ZNF541: variants seen among roughly 807,000 people sequenced by gnomAD.
The protein encoded by ZNF541 is zinc finger protein 541.
ZNF541 carries 23 observed loss-of-function variants against 123.5 expected under a neutral mutation model. That is an observed-to-expected ratio of 0.19 (90% CI 0.13 to 0.26). The LOEUF (loss-of-function observed/expected upper bound fraction) is 0.26. ZNF541 is among the 10% of genes least tolerant of loss of function. ZNF541 has a pLI of 1.00. For missense variants in ZNF541, 1,612 were observed against 1,789.9 expected (o/e 0.90, Z 1.79); for synonymous variants, 751 against 754.5 (o/e 1.00, Z 0.08).
intron 14 of ZNF541, among the ~76,000 whole-genome samples, chr19:47,523,338 TTA>T (rs1491168646): frequency 2.5e-5 from 3 of 118,150 alleles, no homozygotes; most frequent in African/African-American, 1.0e-4. Context: ...AGCGTCTCTT[TTA>T]AAAAAAAAAA....
intron 2 of ZNF541, among the ~76,000 whole-genome samples, chr19:47,558,324 G>A (rs1200812153): frequency 6.6e-6 from 1 of 151,890 alleles, no homozygotes; most frequent in Non-Finnish European, 1.5e-5. Context: ...GCTGAGGCAG[G>A]AGAATGGTAT....
intron 12 of ZNF541, 98 bp downstream of exon 12, chr19:47,531,544 C>T: frequency 1.1e-6 from 1 of 940,300 alleles, no homozygotes. Flanking sequence ...CTTCTTCCAG[C>T]TTCCATCCGC....
chr19:47,570,079 C>G lies in ZNF541; in HGVS notation c.-99+1817G>C, dbSNP rs544399068. 4.0e-5 allele frequency among the ~76,000 whole-genome samples: 6 copies of G among 150,026 alleles called. 1 individual carries two copies. The East Asian group carries it at 1.2e-3, about 30-fold the overall frequency. ...CACAAGGTCAGGAGATCGAGACCAT[C>G]CTGGCTAACACGGTGAAATCCTGTC... On this transcript the variant is annotated intron_variant, in intron 2 of 16. Coordinates refer to ENST00000391901, the MANE Select transcript of ZNF541 (RefSeq NM_001277075.3).
At chr19:47,540,141 C>T (rs1970015149) in intron 7 of ZNF541, 35 bp downstream of exon 7, 1 of 1,535,604 alleles carries the variant, frequency 6.5e-7, no homozygotes, top group Non-Finnish European at 8.8e-7. Flanking sequence ...GCCAGAAACC[C>T]AGTAACCACC....
chr19:47,554,445 C>T (rs1375280092), intron 3 of ZNF541, among the ~76,000 whole-genome samples: 2 of 152,006 alleles, frequency 1.3e-5, no homozygotes, highest in Non-Finnish European at 2.9e-5. Flanking sequence ...AAAAAGAAAA[C>T]AAAACAAACA....
In ZNF541 at chr19:47,550,261, AAAAG is replaced by A. The variant is rs528302382; in HGVS notation, c.308-780_308-777del. 3.4e-4 allele frequency among the ~76,000 whole-genome samples: 52 copies of A among 151,816 alleles called. No homozygotes were observed. In the South Asian group the frequency reaches 5.6e-3, roughly 16 times the overall value. ...AGTGGGACTCTGTCAAAGAAAAAGA[AAAAG>A]AAAGAAAGAAAGACAGGAAGGAAGG... On this transcript the variant is annotated intron_variant, in intron 3 of 16. Coordinates refer to ENST00000391901, the MANE Select transcript of ZNF541 (RefSeq NM_001277075.3).
chr19:47,544,033 A>C, intron 5 of ZNF541, 93 bp downstream of exon 5: 1 of 1,372,500 alleles, frequency 7.3e-7, no homozygotes. Flanking sequence ...GCATCTGGGG[A>C]CTCTCTGAAA....
chr19:47,531,235 G>C (rs1341625557), intron 12 of ZNF541, among the ~76,000 whole-genome samples: 1 of 6,520 alleles, frequency 1.5e-4, no homozygotes, highest in Non-Finnish European at 2.3e-4. Flanking sequence ...TTGTGAGCGG[G>C]GGGGGGGGGG....
chr19:47,558,136 G>T (rs1970899053), intron 2 of ZNF541, among the ~76,000 whole-genome samples: 1 of 152,158 alleles, frequency 6.6e-6, no homozygotes, highest in Non-Finnish European at 1.5e-5. Context: ...AATACTACAG[G>T]CCAGGCGTGG....
intron 3 of ZNF541, among the ~76,000 whole-genome samples, chr19:47,552,150 T>C (rs952273431): frequency 1.3e-5 from 2 of 152,166 alleles, no homozygotes; most frequent in African/African-American, 4.8e-5. Context: ...CATGAGCCAC[T>C]GTGCCCAGCC....
intron 2 of ZNF541, among the ~76,000 whole-genome samples, chr19:47,556,629 T>C (rs1169269097): frequency 6.6e-6 from 1 of 151,930 alleles, no homozygotes; most frequent in Non-Finnish European, 1.5e-5. Flanking sequence ...ACTTGAAATG[T>C]GGCTGGCTTG....
intron 3 of ZNF541, among the ~76,000 whole-genome samples, chr19:47,551,516 T>C (rs1369194467): frequency 6.6e-6 from 1 of 152,036 alleles, no homozygotes; most frequent in Non-Finnish European, 1.5e-5. Flanking sequence ...AGACTACACG[T>C]GCACACCACC....
At position 47,540,903 on chromosome 19, in the gene ZNF541, C is replaced by T. The variant is rs370239964; in HGVS notation, c.2452G>A (p.Ala818Thr). 1.9e-5 allele frequency: 29 copies of T among 1,551,062 alleles called. No individual in the cohort carries two copies. In the African/African-American group the frequency reaches 3.4e-4, roughly 18 times the overall value. The change falls in exon 6 of 17, where the codon GCA becomes ACA. Residue 818 changes from alanine to threonine, a missense_variant. Coordinates refer to ENST00000391901, the MANE Select transcript of ZNF541 (RefSeq NM_001277075.3). ...LPHPVKEENV[A>T]GRGNQQNGSP... ...GGCTTCTTAACTTACCCTCTGCCTG[C>T]CACATTCTCTTCCTTCACCGGATGG...
At chr19:47,539,297 CTTT>C (rs1001789975) in intron 8 of ZNF541, among the ~76,000 whole-genome samples, 8 of 125,822 alleles carry the variant, frequency 6.4e-5, no homozygotes, top group Non-Finnish European at 6.8e-5. Context: ...TCAAGATTTT[CTTT>C]TTTTTTTTTT....
intron 14 of ZNF541, among the ~76,000 whole-genome samples, chr19:47,526,426 G>A (rs1305412513): frequency 6.8e-6 from 1 of 146,978 alleles, no homozygotes; most frequent in Non-Finnish European, 1.5e-5. Flanking sequence ...AGGTTGCAGT[G>A]AGCATGGATT....
At chr19:47,532,021 A>C in intron 11 of ZNF541, 107 bp downstream of exon 11, 1 of 1,423,786 alleles carries the variant, frequency 7.0e-7, no homozygotes, top group Non-Finnish European at 9.4e-7. Flanking sequence ...CCCAGGGGAC[A>C]CTACTTGGAT....
chr19:47,521,555 C>T lies in ZNF541; in HGVS notation c.3811G>A (p.Ala1271Thr). Residue 1271 changes from alanine to threonine, a missense_variant, in exon 16 of 17, where the codon GCA becomes ACA. Physicochemically the swap from Ala to Thr is moderately conservative, Grantham distance 58. This residue lies in a region of ZNF541 where 285 missense variants were observed against 407.3 expected (regional missense o/e 0.70). Transcript: ENST00000391901. This position sits in a 1 kb window ranked among gnomAD's most constrained non-coding sequence, Gnocchi z 4.2. ...AGCTCGGGGGTCCGCTTGGAGCCTG[C>T]ATTTGGGCTGGAGCTGAGGATGGAC... ...RESILSSSPN[A>T]GSKRTPELLG... is the part of the protein sequence containing the mutation. 6.4e-7 allele frequency: 1 copy of T among 1,551,654 alleles called. No homozygotes were observed. Among genetic ancestry groups the T allele is most frequent in the Non-Finnish European group, 8.7e-7 (1 of 1,146,990 alleles).
rs1969441037 is a variant in ZNF541, at chr19:47,529,052, C to T, written c.3482-14G>A. On this transcript the variant is annotated splice_polypyrimidine_tract_variant and intron_variant, in intron 13 of 16. Coordinates refer to ENST00000391901, the MANE Select transcript of ZNF541 (RefSeq NM_001277075.3). ...AGACGTCTGAACCTATCAAAGAACACAGCCAACAGGGGGAAGGCCATTTGT... is the reference window on the plus strand; with the variant it reads ...AGACGTCTGAACCTATCAAAGAACATAGCCAACAGGGGGAAGGCCATTTGT... The T allele has an allele frequency of 6.5e-7, 1 of 1,545,726 alleles. No individual in the cohort carries two copies. The highest frequency in any genetic ancestry group is 2.4e-5 in the East Asian group (1 of 40,888).
chr19:47,530,227 G>A (rs569794838), intron 12 of ZNF541, among the ~76,000 whole-genome samples: 1 of 150,586 alleles, frequency 6.6e-6, no homozygotes, highest in Admixed American at 6.6e-5. Context: ...GGAGTGCAGT[G>A]GCATGATCTT....
Sources: allele counts gnomAD v4.1 joint callset (sites outside exome capture counted in the v4.1 genomes callset), GRCh38; gene constraint gnomAD v4.1.1; regional missense constraint gnomAD v4.1.1; non-coding constraint Gnocchi (gnomAD v3.1); transcripts MANE v1.5; gene names NCBI Gene and HGNC (gene_info 2026-07-23, HGNC 2026-07-21).